The following TMC7 variants were observed in gnomAD, a reference collection of about 807,000 sequenced individuals.
TMC7 encodes transmembrane channel like 7.
TMC7 carries 54 observed loss-of-function variants against 82.9 expected under a neutral mutation model. The ratio of observed to expected loss-of-function variants is 0.65; its 90% CI spans 0.52 to 0.82. The LOEUF is 0.82. TMC7 is among the 40% of genes least tolerant of loss of function. The pLI is 0.00. For missense variants in TMC7, 820 were observed against 901.2 expected, an observed-to-expected ratio of 0.91 and a Z score of 1.15; for synonymous variants, 350 against 337.9, an observed-to-expected ratio of 1.04 and a Z score of -0.39.
At chr16:19,012,511 G>C (rs947153140) in intron 2 of TMC7, among the ~76,000 whole-genome samples, 56 of 151,876 alleles carry the variant, frequency 3.7e-4, no homozygotes, top group Admixed American at 3.2e-3. Flanking sequence ...AAAGAAGGCT[G>C]GGTGCGGTGG....
At chr16:19,020,174 A>G (rs761619717) in intron 3 of TMC7, among the ~76,000 whole-genome samples, 152 of 152,338 alleles carry the variant, frequency 1.0e-3, no homozygotes, top group Middle Eastern at 6.8e-3. Context: ...TAAGAAGTAG[A>G]TAAGACCTTT....
At position 19,056,484 on chromosome 16, in the gene TMC7, G is replaced by A. The variant is rs548252536; in HGVS notation, c.1872-58G>A. On this transcript the variant is annotated intron_variant, in intron 13 of 15. Transcript: ENST00000304381. ...CAAAACATTCTGGGTGTACAGGGGC[G>A]GGACACTCAACCTGTGCTGCACGCT... The A allele has an allele frequency of 5.8e-5, 91 of 1,564,916 alleles. No homozygotes were observed. In the South Asian group the frequency reaches 6.6e-4, roughly 11 times the overall value.
intron 6 of TMC7, among the ~76,000 whole-genome samples, chr16:19,032,596 G>T (rs1303928184): frequency 6.6e-6 from 1 of 151,004 alleles, no homozygotes; most frequent in Non-Finnish European, 1.5e-5. Context: ...GTCTTCCAAA[G>T]CCTTGGAGGG....
chr16:19,053,139 C>T (rs1961612336), intron 13 of TMC7, among the ~76,000 whole-genome samples: 4 of 152,072 alleles, frequency 2.6e-5, no homozygotes, highest in Non-Finnish European at 5.9e-5. Context: ...AAAAAAATTG[C>T]TCCTTATCTT....
intron 1 of TMC7, among the ~76,000 whole-genome samples, chr16:18,997,301 A>G (rs2039059911): frequency 6.6e-6 from 1 of 152,218 alleles, no homozygotes; most frequent in Non-Finnish European, 1.5e-5. Context: ...GAGGCCTGAC[A>G]CTGACCTCAA....
intron 10 of TMC7, 146 bp from the exon 11 acceptor site, chr16:19,045,195 C>A: frequency 1.2e-6 from 1 of 834,244 alleles, no homozygotes; most frequent in Non-Finnish European, 2.0e-6. Flanking sequence ...AAGGTCTGTG[C>A]TGAGGCTCAG....
chr16:19,039,114 A>T (rs1365430644), intron 8 of TMC7, among the ~76,000 whole-genome samples: 1 of 135,788 alleles, frequency 7.4e-6, no homozygotes. Flanking sequence ...TTTTTGAGAC[A>T]GAGTCTCACT....
chr16:18,992,154 T>A (rs1424788635), intron 1 of TMC7, among the ~76,000 whole-genome samples: 6 of 152,172 alleles, frequency 3.9e-5, no homozygotes, highest in Admixed American at 3.9e-4. Flanking sequence ...TAGTTCTAGA[T>A]CCCTGAGGAA....
At chr16:19,055,277 T>C (rs751907956) in intron 13 of TMC7, among the ~76,000 whole-genome samples, 2 of 152,218 alleles carry the variant, frequency 1.3e-5, no homozygotes, top group Non-Finnish European at 2.9e-5. Context: ...TCCACAATAA[T>C]ATATCACACT....
chr16:19,056,610 CGGTG>C lies in TMC7; in HGVS notation c.1941_1944del (p.Val648AlafsTer25). On this transcript the variant is annotated frameshift_variant, in exon 14 of 16. Coordinates refer to ENST00000304381, the MANE Select transcript of TMC7 (RefSeq NM_024847.4). LOFTEE classifies it high-confidence loss of function. ...ACCACCTGGGAGGTCATCCCCAAGA[CGGTG>C]AGCACCTTCCCCAGCTCGCTGCAGT... is the stretch of plus-strand genomic sequence containing the variant. 1 of 1,614,078 alleles carries C rather than the reference CGGTG, an allele frequency of 6.2e-7. No homozygotes were observed. The highest frequency in any genetic ancestry group is 8.5e-7 in the Non-Finnish European group (1 of 1,180,012).
intron 9 of TMC7, among the ~76,000 whole-genome samples, chr16:19,040,889 A>C (rs1442114238): frequency 7.0e-6 from 1 of 142,940 alleles, no homozygotes; most frequent in Non-Finnish European, 1.5e-5. Flanking sequence ...ATTTTCTTTG[A>C]TTCTTTTTTT....
Position 19,062,008 on chromosome 16 carries a change from T to C in TMC7, c.*165T>C. The C allele has an allele frequency of 2.2e-6, 1 of 461,516 alleles. No individual in the cohort carries two copies. Among genetic ancestry groups the C allele is most frequent in the Non-Finnish European group, 3.8e-6 (1 of 265,490 alleles). 28.6% of individuals were successfully genotyped at this position (461,516 alleles called of 1,614,324 possible). A position where few individuals can be genotyped will look rare whatever the true frequency, so the allele number is the denominator to read the frequency against. ...AGCTGTGTTTACCTAACCCAGCCCT[T>C]AATTAGGGCTTCAGTGACTTAGAAA... On this transcript the variant is annotated 3_prime_UTR_variant, in exon 16 of 16. Coordinates refer to ENST00000304381, the MANE Select transcript of TMC7 (RefSeq NM_024847.4).
Position 19,045,404 on chromosome 16 carries a change from T to C in TMC7, c.1519T>C (p.Leu507=). 3.1e-6 allele frequency: 5 copies of C among 1,613,968 alleles called. No homozygotes were observed. The highest frequency in any genetic ancestry group is 4.2e-6 in the Non-Finnish European group (5 of 1,180,014). ...KLMIFDFIII[L]AVTLFVDFPR... is the part of the protein sequence containing the mutation. ...GATGATCTTCGACTTCATCATCATC[T>C]TGGCTGTGACACTCTTCGTGGATTT... The change falls in exon 11 of 16, where the codon TTG becomes CTG. Residue 507 remains leucine (L), a synonymous_variant. Coordinates refer to ENST00000304381, the MANE Select transcript of TMC7 (RefSeq NM_024847.4).
intron 6 of TMC7, among the ~76,000 whole-genome samples, chr16:19,031,064 A>C (rs1960493683): frequency 2.6e-5 from 4 of 152,160 alleles, no homozygotes; most frequent in Admixed American, 2.6e-4. Context: ...TACAGGAAGG[A>C]CAAAGATGGA....
chr16:19,060,812 A>G (rs1961971857), intron 15 of TMC7, among the ~76,000 whole-genome samples: 3 of 144,370 alleles, frequency 2.1e-5, no homozygotes, highest in Admixed American at 7.0e-5. Flanking sequence ...TTTGAGACAG[A>G]GTCTTGCTCT....
At chr16:18,989,400 C>CT (rs1388673427) in intron 1 of TMC7, among the ~76,000 whole-genome samples, 7 of 152,012 alleles carry the variant, frequency 4.6e-5, no homozygotes, top group South Asian at 4.2e-4. Flanking sequence ...CCCTCAGTGG[C>CT]TTTTTTTTGT....
rs775161303 is a variant in TMC7 at position 19,062,459 on chromosome 16, C to T, written c.*616C>T. On this transcript the variant is annotated 3_prime_UTR_variant, in exon 16 of 16. Transcript: ENST00000304381. ...CCTGACCAACGTGGAGAAACTCCGT[C>T]TCCACTAAAATACAAAATTAGCTGG... is the stretch of plus-strand genomic sequence containing the variant. 2 of 152,242 alleles carry T rather than the reference C, an allele frequency of 1.3e-5. No homozygotes were observed. The highest frequency in any genetic ancestry group is 4.8e-5 in the African/African-American group (2 of 41,456). The allele number at this position is 152,242 out of a possible 1,614,324, so 9.4% of individuals were successfully genotyped here.
Position 19,016,496 on chromosome 16 carries a change from T to G in TMC7, c.358T>G (p.Trp120Gly). 2.5e-6 allele frequency: 4 copies of G among 1,614,196 alleles called. No homozygotes were observed. Among genetic ancestry groups the G allele is most frequent in the Non-Finnish European group, 3.4e-6 (4 of 1,180,040 alleles). ...QMKYLSEWDQWKRYSSKSWKR... is the reference protein window; with the variant it reads ...QMKYLSEWDQGKRYSSKSWKR... ...GAAGTATCTCTCCGAATGGGACCAG[T>G]GGAAGCGGTATAGCAGCAAGTCTTG... Residue 120 changes from tryptophan (W) to glycine (G), a missense_variant, in exon 3 of 16, where the codon TGG becomes GGG. Transcript: ENST00000304381.
chr16:19,051,104 A>C (rs533540312), intron 12 of TMC7, among the ~76,000 whole-genome samples: 11 of 152,160 alleles, frequency 7.2e-5, no homozygotes, highest in Admixed American at 5.2e-4. Flanking sequence ...CCGTGTTATC[A>C]ATGACTGTAG....
Sources: gnomAD v4.1 joint callset for allele counts (sites outside exome capture counted in the v4.1 genomes callset) on GRCh38, gnomAD v4.1.1 for gene constraint, MANE v1.5 for transcripts, NCBI Gene and HGNC (gene_info 2026-07-23, HGNC 2026-07-21) for gene names.